The following SKI variants were observed in gnomAD, a reference collection of about 807,000 sequenced individuals.
SKI encodes SKI proto-oncogene.
SKI carries 23 observed loss-of-function variants against 59.3 expected under a neutral mutation model. The observed-to-expected ratio is 0.39, with a 90% CI of 0.28 to 0.55. The LOEUF is 0.55. Among genes scored for constraint, SKI ranks in the 20% least tolerant of loss-of-function variants. SKI has a pLI of 0.67. For missense variants in SKI, 1,017 were observed against 1,038.9 expected (o/e 0.98, Z 0.29); for synonymous variants, 673 against 488.6 (o/e 1.38, Z -4.98).
At chr1:2,257,157 AC>A (rs1639291703) in intron 1 of SKI, among the ~76,000 whole-genome samples, 1 of 152,190 alleles carries the variant, frequency 6.6e-6, no homozygotes, top group African/African-American at 2.4e-5. Context: ...ACCTTTTGTG[AC>A]TTGTGGATGC....
intron 1 of SKI, among the ~76,000 whole-genome samples, chr1:2,236,839 C>T (rs1260039233): frequency 2.0e-5 from 3 of 152,194 alleles, no homozygotes; most frequent in African/African-American, 4.8e-5. Context: ...TGCTGATGCT[C>T]CTCCCAGCTC....
chr1:2,288,179 G>T (rs1008711422), intron 1 of SKI, among the ~76,000 whole-genome samples: 2 of 152,068 alleles, frequency 1.3e-5, no homozygotes, highest in African/African-American at 2.4e-5. Flanking sequence ...TAGAGATGGG[G>T]TTTCTCCACA....
intron 5 of SKI, among the ~76,000 whole-genome samples, chr1:2,305,001 T>C (rs1221492120): frequency 1.3e-5 from 2 of 152,206 alleles, no homozygotes; most frequent in African/African-American, 4.8e-5. Flanking sequence ...GAGTGGGTGT[T>C]CACGCGCTCC....
intron 1 of SKI, among the ~76,000 whole-genome samples, chr1:2,232,185 C>G (rs1638653648): frequency 6.6e-6 from 1 of 152,384 alleles, no homozygotes; most frequent in Non-Finnish European, 1.5e-5. Flanking sequence ...TCCTTTGTAG[C>G]TTATTTTAAT....
chr1:2,299,122 C>T (rs1457907556), intron 1 of SKI, among the ~76,000 whole-genome samples: 8 of 152,246 alleles, frequency 5.3e-5, no homozygotes, highest in South Asian at 2.1e-4. Context: ...TTCAAGGAAG[C>T]GACCGTCAGC....
chr1:2,278,909 AC>A (rs1243116240), intron 1 of SKI, among the ~76,000 whole-genome samples: 4 of 151,326 alleles, frequency 2.6e-5, no homozygotes, highest in Non-Finnish European at 4.4e-5. Context: ...GTGCTTGCGC[AC>A]CCCCCCATCC....
intron 1 of SKI, among the ~76,000 whole-genome samples, chr1:2,244,567 G>A (rs1215076277): frequency 2.6e-5 from 4 of 152,088 alleles, no homozygotes; most frequent in East Asian, 1.9e-4. Context: ...GTGACAGAGC[G>A]AGACTCTGTC....
chr1:2,306,220 G>T lies in SKI; in HGVS notation c.1968G>T (p.Ala656=), dbSNP rs754572866. The change falls in exon 6 of 7, where the codon GCG becomes GCT. Residue 656 remains alanine (A), a synonymous_variant. Transcript: ENST00000378536. The part of the protein sequence containing the change: ...QARVCDKGCE[A]GRLRAKYSAQ... Reference sequence around the variant, plus strand: ...GGGTGTGCGACAAGGGCTGCGAGGCGGGCCGCCTGCGCGCCAAGTACTCGG... The same window carrying T: ...GGGTGTGCGACAAGGGCTGCGAGGCTGGCCGCCTGCGCGCCAAGTACTCGG... 1 of 1,565,018 alleles carries T rather than the reference G, an allele frequency of 6.4e-7. No homozygotes were observed. Among genetic ancestry groups the T allele is most frequent in the Non-Finnish European group, 8.7e-7 (1 of 1,155,868 alleles).
intron 1 of SKI, among the ~76,000 whole-genome samples, chr1:2,287,058 G>A (rs1640054669): frequency 6.6e-6 from 1 of 152,196 alleles, no homozygotes; most frequent in African/African-American, 2.4e-5. Context: ...CCCAGACCCG[G>A]TGGTCCAGCC....
At chr1:2,271,913 G>T (rs1639630596) in intron 1 of SKI, among the ~76,000 whole-genome samples, 1 of 152,218 alleles carries the variant, frequency 6.6e-6, no homozygotes, top group Non-Finnish European at 1.5e-5. Context: ...AGATGCATCT[G>T]GTCCTGGCCC....
chr1:2,235,588 A>G (rs1248883920), intron 1 of SKI, among the ~76,000 whole-genome samples: 3 of 152,154 alleles, frequency 2.0e-5, no homozygotes, highest in Non-Finnish European at 4.4e-5. Flanking sequence ...CAGAGCCTGC[A>G]TGTTGGTTTC....
At chr1:2,253,140 C>T (rs947735208) in intron 1 of SKI, among the ~76,000 whole-genome samples, 2 of 151,492 alleles carry the variant, frequency 1.3e-5, no homozygotes, top group African/African-American at 4.9e-5. Context: ...GTAAATATTT[C>T]ATAACGCGAT....
At chr1:2,258,539 C>A (rs1188674100) in intron 1 of SKI, among the ~76,000 whole-genome samples, 1 of 137,604 alleles carries the variant, frequency 7.3e-6, no homozygotes, top group Non-Finnish European at 1.6e-5. Flanking sequence ...GTGGCTTGGT[C>A]GGGGAACTCA....
In SKI at chr1:2,303,966, C is replaced by T. The variant is rs148632347; in HGVS notation, c.1338C>T (p.Leu446=). 412 of 1,612,294 alleles carry T rather than the reference C, an allele frequency of 2.6e-4. No individual in the cohort carries two copies. In the African/African-American group the frequency reaches 4.1e-3, roughly 16 times the overall value. ...AAAVSRAPEP[L]ATCTQPRKRK... ...CCGTCTCCCGGGCCCCCGAGCCTCT[C>T]GCCACTTGCACCCAGCCTCGGAAGC... The change falls in exon 4 of 7, where the codon CTC becomes CTT. Residue 446 remains leucine (L), a synonymous_variant. Transcript: ENST00000378536. The surrounding 1 kb of genome is among the most constrained non-coding windows in gnomAD (Gnocchi z 5.6).
At chr1:2,257,004 G>A (rs527448309) in intron 1 of SKI, among the ~76,000 whole-genome samples, 1 of 152,354 alleles carries the variant, frequency 6.6e-6, no homozygotes, top group African/African-American at 2.4e-5. Context: ...TCCGGTTGCT[G>A]TGGTCTCCCT....
Position 2,306,941 on chromosome 1 carries a change from T to C in SKI, c.*176T>C. On this transcript the variant is annotated 3_prime_UTR_variant, in exon 7 of 7. Coordinates refer to ENST00000378536, the MANE Select transcript of SKI (RefSeq NM_003036.4). ...TTTTGGAACCCACTGCAAAATTTTC[T>C]ACTGGCCAAGTTCAAGTGAGTAAGC... The C allele has an allele frequency of 7.6e-6, 3 of 394,406 alleles. No individual in the cohort carries two copies. The highest frequency in any genetic ancestry group is 1.3e-5 in the Non-Finnish European group (3 of 236,970). 24.4% of individuals were successfully genotyped at this position (394,406 alleles called of 1,614,324 possible).
intron 4 of SKI, 74 bp from the exon 5 acceptor site, chr1:2,304,219 G>T: frequency 6.4e-7 from 1 of 1,556,382 alleles, no homozygotes; most frequent in South Asian, 1.2e-5. Flanking sequence ...GTTCCTCCGG[G>T]AGCGGCGCGT....
At chr1:2,238,017 G>A (rs1041826448) in intron 1 of SKI, among the ~76,000 whole-genome samples, 1 of 152,202 alleles carries the variant, frequency 6.6e-6, no homozygotes, top group Admixed American at 6.5e-5. Flanking sequence ...TGCTGTCAAG[G>A]GCTTCTCTGT....
At chr1:2,231,189 C>T (rs1257011509) in intron 1 of SKI, among the ~76,000 whole-genome samples, 4 of 152,168 alleles carry the variant, frequency 2.6e-5, no homozygotes, top group South Asian at 2.1e-4. Context: ...GTGGCCGCAC[C>T]CTCGTCAGTG....
Sources: allele counts gnomAD v4.1 joint callset (sites outside exome capture counted in the v4.1 genomes callset), GRCh38; gene constraint gnomAD v4.1.1; non-coding constraint Gnocchi (gnomAD v3.1); transcripts MANE v1.5; gene names NCBI Gene and HGNC (gene_info 2026-07-23, HGNC 2026-07-21).